The following NTMT2 variants were observed in gnomAD, a reference collection of about 807,000 sequenced individuals.
NTMT2 encodes N-terminal Xaa-Pro-Lys N-methyltransferase 2, also known as X-Pro-Lys N-terminal protein methyltransferase 1B.
A neutral mutation model predicts 23.4 loss-of-function variants in NTMT2; 21 were observed. The ratio of observed to expected loss-of-function variants is 0.90; its 90% CI spans 0.64 to 1.29. The LOEUF is 1.29. Ranked by LOEUF, NTMT2 falls within the 50% of genes most tolerant of loss-of-function variation. The pLI is 0.00. For synonymous variants in NTMT2, 131 were observed against 127.7 expected, an observed-to-expected ratio of 1.03 and a Z score of -0.17; for missense variants, 336 against 352.0, an observed-to-expected ratio of 0.95 and a Z score of 0.36.
Position 170,167,556 on chromosome 1 carries a change from C to A in NTMT2, c.651C>A (p.Ile217=), listed in dbSNP as rs1330933056. Residue 217 remains isoleucine, a synonymous_variant, in exon 4 of 4, where the codon ATC becomes ATA. Transcript: ENST00000439373. ...GAGATGGCCTGAAAGAAAATGGCATCATCATATTGAAGGACAATGTGGCCC... is the reference window on the plus strand; with the variant it reads ...GAGATGGCCTGAAAGAAAATGGCATAATCATATTGAAGGACAATGTGGCCC... ...RCRDGLKENG[I]IILKDNVARE... The A allele has an allele frequency of 1.9e-6, 3 of 1,551,688 alleles. No individual in the cohort carries two copies. Among genetic ancestry groups the A allele is most frequent in the Non-Finnish European group, 1.7e-6 (2 of 1,147,000 alleles).
intron 1 of NTMT2, among the ~76,000 whole-genome samples, chr1:170,158,445 G>C (rs1673206334): frequency 6.6e-6 from 1 of 151,358 alleles, no homozygotes; most frequent in Non-Finnish European, 1.5e-5. Flanking sequence ...CCTAAATCTG[G>C]CAATCCTATT....
Position 170,168,244 on chromosome 1 carries a change from A to C in NTMT2, c.*487A>C, listed in dbSNP as rs1452409840. Among the ~76,000 whole-genome samples, 2 of 149,042 alleles carry C rather than the reference A, an allele frequency of 1.3e-5. No homozygotes were observed. Among genetic ancestry groups the C allele is most frequent in the African/African-American group, 2.6e-5 (1 of 39,126 alleles). ...TAAAGCATTTGTCTACTCAAACAAA[A>C]AAAAAAAAAAGAAAAAGAAACAATG... On this transcript the variant is annotated 3_prime_UTR_variant, in exon 4 of 4. Transcript: ENST00000439373.
At position 170,153,987 on chromosome 1, in the gene NTMT2, G is replaced by C. The variant is rs552531495; in HGVS notation, c.155-6531G>C. On this transcript the variant is annotated intron_variant, in intron 1 of 3. Coordinates refer to ENST00000439373, the MANE Select transcript of NTMT2 (RefSeq NM_001136107.2). ...TAGTGTAGGAAAACTGGTTTCAGGGGACCAGGCCCAGGGCCCTGCTACCCT... is the reference window on the plus strand; with the variant it reads ...TAGTGTAGGAAAACTGGTTTCAGGGCACCAGGCCCAGGGCCCTGCTACCCT... Among the ~76,000 whole-genome samples, 5 of 152,228 alleles carry C rather than the reference G, an allele frequency of 3.3e-5. No homozygotes were observed. In the South Asian group the frequency reaches 1.0e-3, roughly 32 times the overall value.
At chr1:170,153,032 T>G (rs923758745) in intron 1 of NTMT2, among the ~76,000 whole-genome samples, 1 of 152,116 alleles carries the variant, frequency 6.6e-6, no homozygotes, top group Admixed American at 6.6e-5. Context: ...TGTGTGGCAC[T>G]TCACCCCACC....
At chr1:170,155,991 A>G (rs1485261382) in intron 1 of NTMT2, among the ~76,000 whole-genome samples, 1 of 152,126 alleles carries the variant, frequency 6.6e-6, no homozygotes, top group East Asian at 1.9e-4. Flanking sequence ...TCTTAGAGTC[A>G]GAAGTTGAGA....
chr1:170,164,004 C>G (rs926085295), intron 2 of NTMT2, among the ~76,000 whole-genome samples: 2 of 151,376 alleles, frequency 1.3e-5, no homozygotes, highest in African/African-American at 4.9e-5. Flanking sequence ...CACCTGTAAT[C>G]TGAGCTACTC....
intron 1 of NTMT2, among the ~76,000 whole-genome samples, chr1:170,156,124 T>C (rs1177795638): frequency 6.6e-6 from 1 of 152,152 alleles, no homozygotes; most frequent in East Asian, 1.9e-4. Context: ...ATTTTTTTGC[T>C]AACCCAAATA....
At chr1:170,160,463 T>A in intron 1 of NTMT2, 55 bp from the exon 2 acceptor site, 1 of 1,360,544 alleles carries the variant, frequency 7.3e-7, no homozygotes, top group Non-Finnish European at 9.7e-7. Flanking sequence ...TGCATAAAGC[T>A]GAGATTTTTT....
rs897954718 is a variant in NTMT2 at position 170,166,499 on chromosome 1, C to T, written c.331-3C>T. The T allele has an allele frequency of 1.5e-5, 24 of 1,552,110 alleles. No homozygotes were observed. The highest frequency in any genetic ancestry group is 2.7e-5 in the African/African-American group (2 of 73,008). On this transcript the variant is annotated splice_polypyrimidine_tract_variant and splice_region_variant and intron_variant, in intron 2 of 3. Coordinates refer to ENST00000439373, the MANE Select transcript of NTMT2 (RefSeq NM_001136107.2). ...CTTGAAATATCAAGGTGCCTTTCTGCAGGGGCCTGGGAGAGCTGGAACAGA... is the reference window on the plus strand; with the variant it reads ...CTTGAAATATCAAGGTGCCTTTCTGTAGGGGCCTGGGAGAGCTGGAACAGA...
At chr1:170,156,453 C>T (rs1161907839) in intron 1 of NTMT2, among the ~76,000 whole-genome samples, 1 of 152,010 alleles carries the variant, frequency 6.6e-6, no homozygotes, top group Admixed American at 6.6e-5. Flanking sequence ...TTTCTTTTCA[C>T]CACAAGTAAA....
rs1169161119 is a variant in NTMT2, at chr1:170,168,086, T to C, written c.*329T>C. On this transcript the variant is annotated 3_prime_UTR_variant, in exon 4 of 4. Transcript: ENST00000439373. ...ATAAAGGACAGCTGGCCTGCATCAG[T>C]ATTTGTAAAAATTGTCTTTCACAAC... 6.6e-6 allele frequency among the ~76,000 whole-genome samples: 1 copy of C among 151,794 alleles called. No homozygotes were observed. The highest frequency in any genetic ancestry group is 2.4e-5 in the African/African-American group (1 of 41,332).
chr1:170,166,132 T>C (rs907491956), intron 2 of NTMT2, among the ~76,000 whole-genome samples: 1 of 81,238 alleles, frequency 1.2e-5, no homozygotes, highest in Non-Finnish European at 2.7e-5. Context: ...TTTCTTTTTT[T>C]TTTTTTTCTT....
chr1:170,157,798 A>G (rs1016210140), intron 1 of NTMT2, among the ~76,000 whole-genome samples: 2 of 152,058 alleles, frequency 1.3e-5, no homozygotes, highest in Admixed American at 1.3e-4. Context: ...GGAGCTTTCA[A>G]TTATGTTTTA....
Position 170,167,588 on chromosome 1 carries a change from G to T in NTMT2, c.683G>T (p.Gly228Val). 6.4e-7 allele frequency: 1 copy of T among 1,551,712 alleles called. No individual in the cohort carries two copies. Among genetic ancestry groups the T allele is most frequent in the Non-Finnish European group, 8.7e-7 (1 of 1,146,990 alleles). Residue 228 changes from glycine (G) to valine (V), a missense_variant, in exon 4 of 4, where the codon GGC becomes GTC. Physicochemically the swap from Gly to Val is moderately radical, Grantham distance 109 (BLOSUM62 -3). Coordinates refer to ENST00000439373, the MANE Select transcript of NTMT2 (RefSeq NM_001136107.2). ...IILKDNVARE[G>V]CILDLSDSSV... ...TTGAAGGACAATGTGGCCCGGGAGG[G>T]CTGTATCCTTGATCTCTCTGACAGC...
intron 2 of NTMT2, among the ~76,000 whole-genome samples, chr1:170,166,133 T>C (rs1056205297): frequency 3.7e-5 from 3 of 82,186 alleles, no homozygotes; most frequent in African/African-American, 1.2e-4. Flanking sequence ...TTCTTTTTTT[T>C]TTTTTTCTTT....
rs1378167271 is a variant in NTMT2 at position 170,166,705 on chromosome 1, A to C, written c.534A>C (p.Thr178=). 2.6e-6 allele frequency: 4 copies of C among 1,551,826 alleles called. No homozygotes were observed. ...ACTGCTACAGCCTGCAGGAATTCAC[A>C]CCCCCCTTCAGGAGATATGATGTCA... is the stretch of plus-strand genomic sequence containing the variant. The part of the protein sequence containing the change: ...SYHCYSLQEF[T]PPFRRYDVIW... Residue 178 remains threonine, a synonymous_variant, in exon 3 of 4, where the codon ACA becomes ACC. Transcript: ENST00000439373.
At chr1:170,156,917 G>A (rs923161637) in intron 1 of NTMT2, among the ~76,000 whole-genome samples, 1 of 152,124 alleles carries the variant, frequency 6.6e-6, no homozygotes, top group Non-Finnish European at 1.5e-5. Context: ...GCACAAACCA[G>A]TTGACTTAAG....
intron 1 of NTMT2, among the ~76,000 whole-genome samples, chr1:170,156,735 T>C (rs1673171082): frequency 6.6e-6 from 1 of 152,072 alleles, no homozygotes; most frequent in Admixed American, 6.6e-5. Flanking sequence ...ATATCTTTTT[T>C]TTTTTTAGTG....
At chr1:170,147,763 A>G (rs1672994003) in intron 1 of NTMT2, among the ~76,000 whole-genome samples, 1 of 152,240 alleles carries the variant, frequency 6.6e-6, no homozygotes, top group Non-Finnish European at 1.5e-5. Context: ...AATATTTACT[A>G]GAGAGAAAAA....
Sources: allele counts gnomAD v4.1 joint callset (sites outside exome capture counted in the v4.1 genomes callset), GRCh38; gene constraint gnomAD v4.1.1; transcripts MANE v1.5; gene names NCBI Gene and HGNC (gene_info 2026-07-23, HGNC 2026-07-21).